SGCD: variants seen among roughly 807,000 people sequenced by gnomAD.
SGCD encodes the protein sarcoglycan delta, also known as delta-sarcoglycan.
Under a neutral mutation model 36.6 loss-of-function variants are expected in SGCD, and 18 were observed. The observed-to-expected ratio is 0.49, with a 90% CI of 0.34 to 0.73. The LOEUF is 0.73. Ranked by LOEUF, SGCD falls within the 30% of genes least tolerant of loss-of-function variation. SGCD has a pLI of 0.01. For synonymous variants in SGCD, 133 were observed against 130.6 expected, an observed-to-expected ratio of 1.02 and a Z score of -0.12; for missense variants, 387 against 346.7, an observed-to-expected ratio of 1.12 and a Z score of -0.92.
the SGCD span, among the ~76,000 whole-genome samples, chr5:155,800,924 CA>C: frequency 6.6e-4 from 101 of 152,318 alleles, 1 homozygote; most frequent in South Asian, 4.6e-3. Flanking sequence ...GTGTTCACCA[CA>C]GTTAAATCAT....
intron 7 of SGCD, among the ~76,000 whole-genome samples, chr5:156,683,401 C>A (rs2113688070): frequency 6.6e-6 from 1 of 152,208 alleles, no homozygotes; most frequent in Non-Finnish European, 1.5e-5. Flanking sequence ...AAACACAGTG[C>A]CGAATGCATG....
intron 3 of SGCD, among the ~76,000 whole-genome samples, chr5:156,294,063 A>G (rs1304700489): frequency 6.6e-6 from 1 of 152,080 alleles, no homozygotes; most frequent in Non-Finnish European, 1.5e-5. Context: ...TGGTTAAATC[A>G]TTTTGAAGTA....
chr5:156,241,251 C>CAT (rs369045935), intron 3 of SGCD, among the ~76,000 whole-genome samples: 1 of 145,060 alleles, frequency 6.9e-6, no homozygotes, highest in African/African-American at 2.6e-5. Flanking sequence ...TAGACCAAAA[C>CAT]GTGTGTGTGT....
At chr5:156,593,387 A>G (rs1760800858) in intron 5 of SGCD, among the ~76,000 whole-genome samples, 1 of 152,136 alleles carries the variant, frequency 6.6e-6, no homozygotes, top group Non-Finnish European at 1.5e-5. Flanking sequence ...GATCAAGACA[A>G]AACAACACAA....
chr5:156,207,929 G>A (rs1156389425), intron 3 of SGCD, among the ~76,000 whole-genome samples: 2 of 152,020 alleles, frequency 1.3e-5, no homozygotes, highest in Non-Finnish European at 2.9e-5. Context: ...TTTACTTATA[G>A]TCTTCATCCA....
In SGCD at chr5:156,615,535, ACT is replaced by A. The variant is rs569863546; in HGVS notation, c.502+20487_502+20488del. Among the ~76,000 whole-genome samples the A allele has an allele frequency of 3.3e-5, 5 of 152,214 alleles. No individual in the cohort carries two copies. In the South Asian group the frequency reaches 8.3e-4, roughly 25 times the overall value. On this transcript the variant is annotated intron_variant, in intron 6 of 8. Coordinates refer to ENST00000337851, the MANE Select transcript of SGCD (RefSeq NM_000337.6). Reference sequence around the variant, plus strand: ...CATCTAGGCTTTTGAATTTGATGAAACTCTACTGCAACGTGGCAAATGATAAT... The same window carrying A: ...CATCTAGGCTTTTGAATTTGATGAAACTACTGCAACGTGGCAAATGATAAT...
intron 1 of SGCD, among the ~76,000 whole-genome samples, chr5:155,980,148 C>T (rs1336248359): frequency 1.3e-5 from 2 of 152,146 alleles, no homozygotes; most frequent in Non-Finnish European, 1.5e-5. Flanking sequence ...TGATCTTGGA[C>T]TTCCAGCCTC....
intron 1 of SGCD, among the ~76,000 whole-genome samples, chr5:155,963,111 A>G (rs1310977086): frequency 1.3e-5 from 2 of 152,092 alleles, no homozygotes; most frequent in East Asian, 3.9e-4. Context: ...TTCTGTCACC[A>G]TGGGTATTGG....
chr5:156,293,181 C>A (rs1766806097), intron 3 of SGCD, among the ~76,000 whole-genome samples: 2 of 151,964 alleles, frequency 1.3e-5, no homozygotes, highest in Admixed American at 1.3e-4. Flanking sequence ...CTCAAGTGAT[C>A]CTCCTGCCTC....
intron 3 of SGCD, among the ~76,000 whole-genome samples, chr5:156,464,022 A>C (rs1754612673): frequency 6.6e-6 from 1 of 152,068 alleles, no homozygotes; most frequent in Non-Finnish European, 1.5e-5. Flanking sequence ...TTTTAGCTAA[A>C]TTTACTATGT....
intron 6 of SGCD, among the ~76,000 whole-genome samples, chr5:156,644,229 G>T (rs1303377067): frequency 6.6e-6 from 1 of 152,078 alleles, no homozygotes; most frequent in Non-Finnish European, 1.5e-5. Context: ...TGCTGTCCTA[G>T]TAATTTTTGT....
At chr5:156,354,600 A>G (rs1264614099) in intron 3 of SGCD, among the ~76,000 whole-genome samples, 2 of 152,206 alleles carry the variant, frequency 1.3e-5, no homozygotes. Context: ...GAGAGGAACA[A>G]TGTTAGAAAA....
At chr5:156,744,932 A>C (rs1045609372) in intron 7 of SGCD, among the ~76,000 whole-genome samples, 13 of 152,212 alleles carry the variant, frequency 8.5e-5, no homozygotes, top group Non-Finnish European at 1.5e-5. Context: ...TAACCAGTCC[A>C]CCCTCTGAAA....
the SGCD span, among the ~76,000 whole-genome samples, chr5:155,806,217 C>G: frequency 1.3e-5 from 2 of 152,132 alleles, no homozygotes; most frequent in Admixed American, 1.3e-4. Flanking sequence ...TGCAGTGGCA[C>G]GATATCAAAT....
chr5:155,776,307 G>A, the SGCD span, among the ~76,000 whole-genome samples: 1 of 152,088 alleles, frequency 6.6e-6, no homozygotes, highest in Non-Finnish European at 1.5e-5. Flanking sequence ...ATGGCCAAGG[G>A]TTCAGAGTAC....
intron 1 of SGCD, among the ~76,000 whole-genome samples, chr5:155,947,949 G>T (rs1034046964): frequency 4.6e-5 from 7 of 151,980 alleles, no homozygotes; most frequent in Non-Finnish European, 1.0e-4. Flanking sequence ...AAAAGGACTT[G>T]CTTCATAGGG....
chr5:156,514,577 G>GT (rs1757079265), intron 4 of SGCD, among the ~76,000 whole-genome samples: 2 of 152,112 alleles, frequency 1.3e-5, no homozygotes, highest in African/African-American at 2.4e-5. Context: ...ATTTTATCCC[G>GT]TAAAAAATCT....
intron 3 of SGCD, among the ~76,000 whole-genome samples, chr5:156,209,616 G>A (rs576979330): frequency 5.5e-4 from 84 of 152,292 alleles, no homozygotes; most frequent in African/African-American, 1.8e-3. Flanking sequence ...ATAAACCCAG[G>A]TTTCAAGATC....
chr5:156,155,832 T>C (rs900750486), intron 3 of SGCD, among the ~76,000 whole-genome samples: 1 of 151,598 alleles, frequency 6.6e-6, no homozygotes, highest in Admixed American at 6.6e-5. Flanking sequence ...AAGGCTAGTT[T>C]CTCATTAACT....
Sources: allele counts gnomAD v4.1 joint callset (sites outside exome capture counted in the v4.1 genomes callset), GRCh38; gene constraint gnomAD v4.1.1; transcripts MANE v1.5; gene names NCBI Gene and HGNC (gene_info 2026-07-23, HGNC 2026-07-21).